SKAP1: variants seen among roughly 807,000 people sequenced by gnomAD.
SKAP1 encodes src kinase associated phosphoprotein 1.
In SKAP1, 44 loss-of-function variants were observed where a neutral mutation model predicts 58.5. The observed-to-expected ratio is 0.75, with a 90% CI of 0.59 to 0.97. The LOEUF is 0.97. SKAP1 is among the 50% of genes least tolerant of loss of function. SKAP1 has a pLI of 0.00. For missense variants in SKAP1, 390 were observed against 435.2 expected (o/e 0.90, Z 0.92); for synonymous variants, 127 against 149.7 (o/e 0.85, Z 1.11).
intron 4 of SKAP1, among the ~76,000 whole-genome samples, chr17:48,283,519 G>C (rs1255475755): frequency 6.6e-6 from 1 of 152,150 alleles, no homozygotes; most frequent in African/African-American, 2.4e-5. Context: ...ATCTATGGAT[G>C]CATCAGCCTT....
chr17:48,410,063 A>C (rs920219713), intron 1 of SKAP1, among the ~76,000 whole-genome samples: 1 of 152,222 alleles, frequency 6.6e-6, no homozygotes, highest in African/African-American at 2.4e-5. Context: ...GAACATAAAC[A>C]CTGAACTCTA....
At chr17:48,252,238 G>C (rs2065372297) in intron 4 of SKAP1, among the ~76,000 whole-genome samples, 1 of 152,058 alleles carries the variant, frequency 6.6e-6, no homozygotes, top group Non-Finnish European at 1.5e-5. Flanking sequence ...GAGAGAGAGA[G>C]AGAAACACAA....
intron 4 of SKAP1, chr17:48,193,626 G>T (rs2064581302): frequency 1.1e-6 from 1 of 919,234 alleles, no homozygotes; most frequent in African/African-American, 1.8e-5. Flanking sequence ...TAACCAAGGT[G>T]GGAATCCACA....
intron 2 of SKAP1, among the ~76,000 whole-genome samples, chr17:48,390,546 G>A (rs34981051): frequency 0.029 from 4,481 of 152,238 alleles, 244 homozygotes; most frequent in African/African-American, 0.1. Context: ...AAGTGATAAC[G>A]ATGGCTAAAA....
intron 3 of SKAP1, 101 bp from the exon 4 acceptor site, chr17:48,346,107 C>G (rs556580552): frequency 1.7e-6 from 1 of 587,104 alleles, no homozygotes; most frequent in Non-Finnish European, 2.8e-6. Flanking sequence ...TTCCAGTATT[C>G]GAAAAAAAAG....
At chr17:48,425,203 A>G (rs2067843498) in intron 1 of SKAP1, among the ~76,000 whole-genome samples, 1 of 152,196 alleles carries the variant, frequency 6.6e-6, no homozygotes, top group African/African-American at 2.4e-5. Flanking sequence ...GGTTGTGGTG[A>G]GCCAAGATTG....
At chr17:48,204,033 G>A (rs2064761617) in intron 4 of SKAP1, 2 of 152,126 alleles carry the variant, frequency 1.3e-5, no homozygotes, top group South Asian at 4.2e-4. Context: ...AGCTGAAACA[G>A]GCTCACACAG....
chr17:48,147,392 C>T (rs775567805), intron 11 of SKAP1, among the ~76,000 whole-genome samples: 2 of 152,124 alleles, frequency 1.3e-5, no homozygotes, highest in Non-Finnish European at 2.9e-5. Context: ...TCCCAGACAT[C>T]GTATTTTTAC....
At chr17:48,236,963 T>C (rs897845918) in intron 4 of SKAP1, among the ~76,000 whole-genome samples, 6 of 152,190 alleles carry the variant, frequency 3.9e-5, no homozygotes, top group Admixed American at 3.3e-4. Context: ...AAAACAACAG[T>C]AAGAGGTAGG....
chr17:48,143,236 C>T (rs1259054851), intron 11 of SKAP1, among the ~76,000 whole-genome samples: 5 of 147,884 alleles, frequency 3.4e-5, no homozygotes, highest in Non-Finnish European at 5.9e-5. Flanking sequence ...CTCCCTTCAC[C>T]TAGGCTGAAG....
At chr17:48,133,885 TATA>T (rs2063668536) in intron 12 of SKAP1, 69 bp from the exon 13 acceptor site, 1 of 152,086 alleles carries the variant, frequency 6.6e-6, no homozygotes, top group Non-Finnish European at 1.5e-5. Context: ...GGGCACAGAG[TATA>T]ATGTTTTCCC....
At chr17:48,150,323 A>G (rs987758483) in intron 11 of SKAP1, among the ~76,000 whole-genome samples, 1 of 152,252 alleles carries the variant, frequency 6.6e-6, no homozygotes, top group African/African-American at 2.4e-5. Flanking sequence ...TTGTCATTAT[A>G]GACAGGATAA....
chr17:48,396,594 T>C lies in SKAP1; in HGVS notation c.152+86A>G, dbSNP rs892707580. Reference sequence around the variant, plus strand: ...GCCAAGTATAAAGAACTATGATAGGTATGTCTTACCTTGTGACTTTATTTT... The same window carrying C: ...GCCAAGTATAAAGAACTATGATAGGCATGTCTTACCTTGTGACTTTATTTT... On this transcript the variant is annotated intron_variant, in intron 2 of 12. Transcript: ENST00000336915. The C allele has an allele frequency of 7.1e-5, 57 of 801,154 alleles. 2 individuals are homozygous for C. The South Asian group carries it at 9.4e-4, about 13-fold the overall frequency. 49.6% of individuals were successfully genotyped at this position (801,154 alleles called of 1,614,324 possible).
intron 4 of SKAP1, among the ~76,000 whole-genome samples, chr17:48,339,343 T>C (rs1282991140): frequency 6.6e-6 from 1 of 152,188 alleles, no homozygotes; most frequent in Non-Finnish European, 1.5e-5. Context: ...TACAGACTTA[T>C]TTATGGAAAG....
chr17:48,190,986 A>C (rs1056550639), intron 4 of SKAP1, among the ~76,000 whole-genome samples: 1 of 152,228 alleles, frequency 6.6e-6, no homozygotes, highest in Non-Finnish European at 1.5e-5. Context: ...CTTCGTCTCA[A>C]AACAAAACAA....
intron 4 of SKAP1, among the ~76,000 whole-genome samples, chr17:48,319,676 T>C (rs2066334939): frequency 6.6e-6 from 1 of 152,132 alleles, no homozygotes; most frequent in South Asian, 2.1e-4. Flanking sequence ...ACCCCATTTC[T>C]TCAAAAAATA....
chr17:48,320,598 CA>C (rs1225072555), intron 4 of SKAP1, among the ~76,000 whole-genome samples: 4 of 152,006 alleles, frequency 2.6e-5, no homozygotes, highest in Non-Finnish European at 2.9e-5. Flanking sequence ...AGAAAAAAAT[CA>C]TACAAGTTTT....
intron 4 of SKAP1, among the ~76,000 whole-genome samples, chr17:48,198,306 T>C (rs969707994): frequency 6.6e-6 from 1 of 151,624 alleles, no homozygotes; most frequent in Non-Finnish European, 1.5e-5. Context: ...ATACAAAAAA[T>C]TAGCCGGGCG....
At chr17:48,260,579 C>T (rs1000530009) in intron 4 of SKAP1, among the ~76,000 whole-genome samples, 2 of 152,032 alleles carry the variant, frequency 1.3e-5, no homozygotes, top group Non-Finnish European at 2.9e-5. Context: ...TGATTTGACT[C>T]GTGGACATCA....
Sources: gnomAD v4.1 joint callset for allele counts (sites outside exome capture counted in the v4.1 genomes callset) on GRCh38, gnomAD v4.1.1 for gene constraint, MANE v1.5 for transcripts, NCBI Gene and HGNC (gene_info 2026-07-23, HGNC 2026-07-21) for gene names.